CA10: variants seen among roughly 807,000 people sequenced by gnomAD.
CA10 encodes the protein carbonic anhydrase-related protein 10.
Under a neutral mutation model 44.2 loss-of-function variants are expected in CA10, and 14 were observed. The ratio of observed to expected loss-of-function variants is 0.32; its 90% CI spans 0.21 to 0.50. The LOEUF (loss-of-function observed/expected upper bound fraction) is 0.50, where lower values mean the gene tolerates loss of function less well. Among genes scored for constraint, CA10 ranks in the 20% least tolerant of loss-of-function variants. The pLI is 0.99. For synonymous variants in CA10, 159 were observed against 141.6 expected (o/e 1.12, Z -0.87); for missense variants, 350 against 409.7 (o/e 0.85, Z 1.26).
chr17:51,957,910 C>T (rs1017924421), intron 2 of CA10, among the ~76,000 whole-genome samples: 7 of 152,138 alleles, frequency 4.6e-5, no homozygotes, highest in East Asian at 1.9e-4. Flanking sequence ...TCACTCCCCC[C>T]GAGAGGGGTG....
chr17:51,897,525 TTG>T (rs1981124489), intron 3 of CA10, among the ~76,000 whole-genome samples: 1 of 152,136 alleles, frequency 6.6e-6, no homozygotes, highest in African/African-American at 2.4e-5. Flanking sequence ...TTCTTTTTGG[TTG>T]TGATTGCTTT....
intron 2 of CA10, among the ~76,000 whole-genome samples, chr17:52,036,532 T>A (rs1451079950): frequency 6.6e-6 from 1 of 151,968 alleles, no homozygotes; most frequent in Non-Finnish European, 1.5e-5. Flanking sequence ...TAAATAGTCA[T>A]CCAACAGGAA....
chr17:51,807,490 G>A (rs1420003676), intron 3 of CA10, among the ~76,000 whole-genome samples: 1 of 152,188 alleles, frequency 6.6e-6, no homozygotes, highest in South Asian at 2.1e-4. Context: ...CTAGCTCTTA[G>A]ATCTGTTTTC....
At position 51,717,487 on chromosome 17, in the gene CA10, C is replaced by T. The variant is rs190414580; in HGVS notation, c.465+30146G>A. Among the ~76,000 whole-genome samples, 1,087 of 142,772 alleles carry T rather than the reference C, an allele frequency of 7.6e-3. 20 individuals are homozygous for T. Among genetic ancestry groups the T allele is most frequent in the African/African-American group, 0.027 (1,033 of 38,052 alleles). The allele number at this position is 142,772 out of a possible 152,430, so 93.7% of individuals were successfully genotyped here. ...GTTCACAATCGCAAAATCGTGGAAC[C>T]AACCCAAATGCCCGTCAATCAACAA... On this transcript the variant is annotated intron_variant, in intron 4 of 8. Transcript: ENST00000451037.
At position 51,960,508 on chromosome 17, in the gene CA10, C is replaced by T. The variant is rs142447504; in HGVS notation, c.137-29376G>A. On this transcript the variant is annotated intron_variant, in intron 2 of 8. Transcript: ENST00000451037. ...AAAATATTGAAAACAACAAGTAAAA[C>T]AAACACTTTACATATAGAAAAAAAT... Among the ~76,000 whole-genome samples, 10 of 151,898 alleles carry T rather than the reference C, an allele frequency of 6.6e-5. No individual in the cohort carries two copies. In the East Asian group the frequency reaches 1.9e-3, roughly 29 times the overall value.
At chr17:52,095,257 G>A (rs754463094) in intron 1 of CA10, among the ~76,000 whole-genome samples, 2 of 152,066 alleles carry the variant, frequency 1.3e-5, no homozygotes, top group Non-Finnish European at 2.9e-5. Context: ...TTTTAAAACA[G>A]GCAAAACAAG....
chr17:51,955,886 T>TA (rs1983647638), intron 2 of CA10, among the ~76,000 whole-genome samples: 1 of 152,024 alleles, frequency 6.6e-6, no homozygotes, highest in South Asian at 2.1e-4. Context: ...ATGCGGGGCT[T>TA]AAAACCTAGA....
intron 3 of CA10, among the ~76,000 whole-genome samples, chr17:51,910,169 G>T (rs373355896): frequency 6.6e-6 from 1 of 152,008 alleles, no homozygotes; most frequent in Non-Finnish European, 1.5e-5. Context: ...GGGGAGGAGA[G>T]GCTTAGAGAG....
chr17:51,818,653 C>G (rs1209842006), intron 3 of CA10, among the ~76,000 whole-genome samples: 1 of 152,178 alleles, frequency 6.6e-6, no homozygotes, highest in African/African-American at 2.4e-5. Context: ...GTGCAGAAGT[C>G]ACACCTAATG....
At chr17:51,633,117 G>GAAT (rs2143201675) in intron 8 of CA10, among the ~76,000 whole-genome samples, 1 of 151,892 alleles carries the variant, frequency 6.6e-6, no homozygotes, top group South Asian at 2.1e-4. Context: ...GCAATAAAAA[G>GAAT]CTGTCTTGCC....
chr17:51,937,749 G>T (rs916649705), intron 2 of CA10, among the ~76,000 whole-genome samples: 9 of 152,244 alleles, frequency 5.9e-5, no homozygotes, highest in African/African-American at 1.9e-4. Context: ...AAATATGATA[G>T]ATGTTATAAT....
At chr17:51,904,209 A>C (rs1042654912) in intron 3 of CA10, among the ~76,000 whole-genome samples, 1 of 151,948 alleles carries the variant, frequency 6.6e-6, no homozygotes, top group African/African-American at 2.4e-5. Flanking sequence ...TAAAAAAAAA[A>C]AACTCTTATT....
intron 2 of CA10, among the ~76,000 whole-genome samples, chr17:51,997,217 C>T (rs150879062): frequency 5.9e-5 from 9 of 152,126 alleles, no homozygotes; most frequent in African/African-American, 2.2e-4. Flanking sequence ...GCTAATTTAC[C>T]ATTGTAGATC....
chr17:52,077,721 A>C (rs1360377038), intron 1 of CA10, among the ~76,000 whole-genome samples: 1 of 152,176 alleles, frequency 6.6e-6, no homozygotes, highest in Non-Finnish European at 1.5e-5. Flanking sequence ...TATGTACTGC[A>C]GAAGGTATCT....
In CA10 at chr17:51,717,664, T is replaced by TGC. The variant is rs1289729625; in HGVS notation, c.465+29968_465+29969insGC. 1.9e-4 allele frequency among the ~76,000 whole-genome samples: 17 copies of TGC among 90,842 alleles called. 3 individuals are homozygous for TGC. The highest frequency in any genetic ancestry group is 4.4e-4 in the African/African-American group (12 of 27,506). 59.6% of individuals were successfully genotyped at this position (90,842 alleles called of 152,430 possible). On this transcript the variant is annotated intron_variant, in intron 4 of 8. Transcript: ENST00000451037. ...GTATATATACATATATACGTATATA[T>TGC]ACATGTATATATGTATATATGTATA...
At chr17:52,090,647 A>AT (rs1191396342) in intron 1 of CA10, among the ~76,000 whole-genome samples, 2 of 152,086 alleles carry the variant, frequency 1.3e-5, no homozygotes, top group Non-Finnish European at 2.9e-5. Context: ...GAATATAACT[A>AT]TTTTTTTCTG....
intron 3 of CA10, among the ~76,000 whole-genome samples, chr17:51,750,870 T>A (rs879363497): frequency 1.3e-5 from 2 of 152,264 alleles, no homozygotes; most frequent in African/African-American, 2.4e-5. Context: ...GTCTGTCTAA[T>A]GTTCTCAAGA....
chr17:51,643,871 T>C (rs930777674), intron 6 of CA10, among the ~76,000 whole-genome samples: 3 of 152,206 alleles, frequency 2.0e-5, no homozygotes, highest in African/African-American at 7.2e-5. Context: ...CTTGTTTGAT[T>C]CTCATGCCAA....
At chr17:52,039,469 A>T (rs943834555) in intron 2 of CA10, among the ~76,000 whole-genome samples, 37 of 152,080 alleles carry the variant, frequency 2.4e-4, no homozygotes, top group Non-Finnish European at 4.9e-4. Flanking sequence ...AGGAATCTCT[A>T]TCCAAAGCCC....
Sources: allele counts gnomAD v4.1 joint callset (sites outside exome capture counted in the v4.1 genomes callset), GRCh38; gene constraint gnomAD v4.1.1; transcripts MANE v1.5; gene names NCBI Gene and HGNC (gene_info 2026-07-23, HGNC 2026-07-21).